Variants in FAM135B observed in about 807,000 individuals in gnomAD.
The protein encoded by FAM135B is protein FAM135B.
FAM135B carries 43 observed loss-of-function variants against 127.7 expected under a neutral mutation model. The observed-to-expected ratio is 0.34, with a 90% CI of 0.26 to 0.43. The LOEUF (loss-of-function observed/expected upper bound fraction) is 0.43. Ranked by LOEUF, FAM135B falls within the 20% of genes least tolerant of loss-of-function variation. The pLI, the probability that FAM135B is intolerant of heterozygous loss-of-function variation, is 1.00. For missense variants in FAM135B, 1,558 were observed against 1,725.6 expected, an observed-to-expected ratio of 0.90 and a Z score of 1.72; for synonymous variants, 670 against 665.1, an observed-to-expected ratio of 1.01 and a Z score of -0.11.
chr8:138,221,077 T>C (rs1283138476), intron 7 of FAM135B, among the ~76,000 whole-genome samples: 1 of 152,176 alleles, frequency 6.6e-6, no homozygotes, highest in Non-Finnish European at 1.5e-5. Flanking sequence ...AGGAAATTTC[T>C]AGCTGACTCT....
intron 2 of FAM135B, among the ~76,000 whole-genome samples, chr8:138,336,670 C>A (rs1001417252): frequency 1.3e-5 from 2 of 152,120 alleles, no homozygotes; most frequent in African/African-American, 4.8e-5. Flanking sequence ...CCAAATTCCA[C>A]CAGAGGTACA....
chr8:138,250,512 G>A (rs1208991910), intron 6 of FAM135B, among the ~76,000 whole-genome samples: 2 of 152,170 alleles, frequency 1.3e-5, no homozygotes, highest in African/African-American at 4.8e-5. Context: ...ACACATTAGT[G>A]TTCCTGTCAT....
chr8:138,442,656 CAGGATGT>C (rs1835872840), intron 1 of FAM135B, among the ~76,000 whole-genome samples: 1 of 151,914 alleles, frequency 6.6e-6, no homozygotes, highest in African/African-American at 2.4e-5. Flanking sequence ...GGAGAGTAGC[CAGGATGT>C]TATCCCAGGC....
intron 11 of FAM135B, among the ~76,000 whole-genome samples, chr8:138,175,725 C>T (rs4909745): frequency 6.7e-6 from 1 of 150,194 alleles, no homozygotes; most frequent in Admixed American, 6.6e-5. Context: ...ATTACTACCC[C>T]ATTTCTCTTC....
At chr8:138,392,323 T>C (rs1298023577) in intron 1 of FAM135B, among the ~76,000 whole-genome samples, 2 of 152,246 alleles carry the variant, frequency 1.3e-5, no homozygotes, top group African/African-American at 4.8e-5. Flanking sequence ...AGTAGCACTT[T>C]GCTTCCTGTG....
At chr8:138,316,760 C>G (rs1403642833) in intron 2 of FAM135B, among the ~76,000 whole-genome samples, 1 of 151,888 alleles carries the variant, frequency 6.6e-6, no homozygotes, top group African/African-American at 2.4e-5. Context: ...GCAGGTAGAT[C>G]ACGAGATCAG....
At chr8:138,357,734 C>T (rs1830180301) in intron 2 of FAM135B, among the ~76,000 whole-genome samples, 1 of 152,008 alleles carries the variant, frequency 6.6e-6, no homozygotes, top group Non-Finnish European at 1.5e-5. Flanking sequence ...CCAAGATCTA[C>T]TCAAAAAACT....
chr8:138,337,704 A>G (rs987434334), intron 2 of FAM135B, among the ~76,000 whole-genome samples: 6 of 152,148 alleles, frequency 3.9e-5, no homozygotes, highest in Non-Finnish European at 7.4e-5. Context: ...TATAGATTCA[A>G]TGCCATCCCC....
intron 3 of FAM135B, among the ~76,000 whole-genome samples, chr8:138,287,239 C>T (rs1025397576): frequency 1.3e-5 from 2 of 151,828 alleles, no homozygotes; most frequent in African/African-American, 4.8e-5. Context: ...GAAAAAGAAG[C>T]AAAAGTTGTA....
chr8:138,254,645 T>C lies in FAM135B; in HGVS notation c.368+2044A>G, dbSNP rs1996029. ...ATGGTGCTAGAACAAGTCCTGGCAA[T>C]GGGATGAAGCAGGTAGGATTCCTCA... On this transcript the variant is annotated intron_variant, in intron 5 of 19. Transcript: ENST00000395297. 5.2e-3 allele frequency among the ~76,000 whole-genome samples: 798 copies of C among 152,222 alleles called. 4 individuals are homozygous for C. The highest frequency in any genetic ancestry group is 0.018 in the African/African-American group (751 of 41,514).
At chr8:138,216,823 A>T (rs1818584322) in intron 7 of FAM135B, among the ~76,000 whole-genome samples, 1 of 152,180 alleles carries the variant, frequency 6.6e-6, no homozygotes, top group African/African-American at 2.4e-5. Flanking sequence ...CATATAGCCT[A>T]ACCCATGTTC....
intron 3 of FAM135B, among the ~76,000 whole-genome samples, chr8:138,291,580 A>C (rs1353892648): frequency 2.0e-5 from 3 of 152,174 alleles, no homozygotes; most frequent in Admixed American, 2.0e-4. Context: ...AGCACATTAA[A>C]AGGATCATAT....
At chr8:138,328,417 C>A (rs1563902746) in intron 2 of FAM135B, among the ~76,000 whole-genome samples, 1 of 152,104 alleles carries the variant, frequency 6.6e-6, no homozygotes. Flanking sequence ...CCTTGAGCAG[C>A]AGGACATAAA....
At chr8:138,278,709 C>CCCA (rs1824031726) in intron 3 of FAM135B, among the ~76,000 whole-genome samples, 1 of 151,670 alleles carries the variant, frequency 6.6e-6, no homozygotes, top group Non-Finnish European at 1.5e-5. Context: ...ACTATAGGTG[C>CCCA]CCACCACCAC....
intron 7 of FAM135B, among the ~76,000 whole-genome samples, chr8:138,227,632 A>G (rs192636320): frequency 6.6e-6 from 1 of 151,952 alleles, no homozygotes; most frequent in Admixed American, 6.6e-5. Flanking sequence ...TCATGACACC[A>G]TCACCCCAAT....
chr8:138,357,124 T>C (rs867865780), intron 2 of FAM135B, among the ~76,000 whole-genome samples: 1 of 152,022 alleles, frequency 6.6e-6, no homozygotes, highest in Non-Finnish European at 1.5e-5. Flanking sequence ...ATATTATTTA[T>C]ATTATCAATA....
intron 1 of FAM135B, among the ~76,000 whole-genome samples, chr8:138,453,340 A>C (rs1472837481): frequency 6.6e-6 from 1 of 152,066 alleles, no homozygotes; most frequent in East Asian, 1.9e-4. Context: ...CCCATATAAA[A>C]ATACCTATTA....
At chr8:138,344,499 T>A (rs899768545) in intron 2 of FAM135B, among the ~76,000 whole-genome samples, 2 of 152,070 alleles carry the variant, frequency 1.3e-5, no homozygotes, top group Non-Finnish European at 2.9e-5. Flanking sequence ...AGGTCTCCTG[T>A]TAAATGTTAC....
intron 12 of FAM135B, among the ~76,000 whole-genome samples, chr8:138,153,430 T>A (rs569084841): frequency 6.6e-6 from 1 of 152,004 alleles, no homozygotes; most frequent in Non-Finnish European, 1.5e-5. Context: ...GTCCATCTCA[T>A]TGGGACTTGT....
Sources: allele counts gnomAD v4.1 joint callset (sites outside exome capture counted in the v4.1 genomes callset), GRCh38; gene constraint gnomAD v4.1.1; transcripts MANE v1.5; gene names NCBI Gene and HGNC (gene_info 2026-07-23, HGNC 2026-07-21).